Variants in WDFY4 observed in about 807,000 individuals in gnomAD.
WDFY4 encodes WD repeat- and FYVE domain-containing protein 4.
Under a neutral mutation model 351.9 loss-of-function variants are expected in WDFY4, and 169 were observed. That is an observed-to-expected ratio of 0.48 (90% CI 0.42 to 0.55). WDFY4 has a LOEUF of 0.55. Ranked by LOEUF, WDFY4 falls within the 20% of genes least tolerant of loss-of-function variation. The pLI, the probability that WDFY4 is intolerant of heterozygous loss-of-function variation, is 0.00. For missense variants in WDFY4, 3,803 were observed against 3,935.6 expected (o/e 0.97, Z 0.90); for synonymous variants, 1,622 against 1,574.6 (o/e 1.03, Z -0.71).
intron 47 of WDFY4, among the ~76,000 whole-genome samples, chr10:48,902,714 A>G (rs80322231): frequency 0.016 from 2,476 of 152,166 alleles, 70 homozygotes; most frequent in African/African-American, 0.055. Context: ...AAAGCATATT[A>G]GATAATTATA....
intron 47 of WDFY4, among the ~76,000 whole-genome samples, chr10:48,935,963 C>G (rs1589945355): frequency 6.7e-6 from 1 of 148,872 alleles, no homozygotes; most frequent in Non-Finnish European, 1.5e-5. Context: ...ATGAGGAAAA[C>G]AAATTAAGTA....
chr10:48,753,069 C>T (rs2199845), intron 12 of WDFY4, among the ~76,000 whole-genome samples: 34,627 of 152,038 alleles, frequency 0.23, 4,060 homozygotes, highest in African/African-American at 0.29. Flanking sequence ...TTCTAATGGG[C>T]ATGGAGTGTT....
In WDFY4 at chr10:48,735,966, G is replaced by A; in HGVS notation, c.1774G>A (p.Glu592Lys). 6.4e-7 allele frequency: 1 copy of A among 1,551,840 alleles called. No homozygotes were observed. The highest frequency in any genetic ancestry group is 8.7e-7 in the Non-Finnish European group (1 of 1,147,040). The change falls in exon 11 of 62, where the codon GAG becomes AAG. Residue 592 changes from glutamate (E) to lysine (K), a missense_variant. Transcript: ENST00000325239. ...CYREASLSIL[E>K]QLSAINAEEY... ...CCGGGAGGCCTCGCTCAGCATCTTG[G>A]AGCAGCTCTCAGCCATCAACGCCGA...
chr10:48,829,943 A>G (rs373412545), intron 37 of WDFY4, among the ~76,000 whole-genome samples: 38 of 152,188 alleles, frequency 2.5e-4, no homozygotes, highest in African/African-American at 8.7e-4. Flanking sequence ...TTTGTTGGAC[A>G]TGGTTTTGAT....
chr10:48,829,495 C>T (rs2068115599), intron 37 of WDFY4, among the ~76,000 whole-genome samples: 1 of 152,208 alleles, frequency 6.6e-6, no homozygotes, highest in African/African-American at 2.4e-5. Context: ...AGCTCTGCCA[C>T]TCCTTCTGCC....
intron 60 of WDFY4, chr10:48,978,661 A>C: frequency 1.6e-5 from 6 of 380,594 alleles, no homozygotes; most frequent in East Asian, 9.2e-5. Flanking sequence ...CCCCTCCATA[A>C]TGAACACAGG....
chr10:48,800,910 T>C (rs1267139228), intron 24 of WDFY4, among the ~76,000 whole-genome samples: 2 of 151,982 alleles, frequency 1.3e-5, no homozygotes, highest in African/African-American at 4.8e-5. Flanking sequence ...TTTTTTTATA[T>C]TTAGTAGAGA....
At chr10:48,958,347 A>T (rs1841703973) in intron 52 of WDFY4, among the ~76,000 whole-genome samples, 1 of 152,184 alleles carries the variant, frequency 6.6e-6, no homozygotes. Flanking sequence ...GGATCCCCCA[A>T]AGCGTGAGGA....
chr10:48,916,212 G>T (rs1032136809), intron 47 of WDFY4, among the ~76,000 whole-genome samples: 3 of 152,152 alleles, frequency 2.0e-5, no homozygotes, highest in Non-Finnish European at 2.9e-5. Flanking sequence ...GTTTCTCTTG[G>T]CTTGGACTCA....
In WDFY4 at chr10:48,873,638, A is replaced by G. The variant is rs1236125568; in HGVS notation, c.6889A>G (p.Met2297Val). The change falls in exon 41 of 62, where the codon ATG becomes GTG. Residue 2297 changes from methionine to valine, a missense_variant. Transcript: ENST00000325239. Reference sequence around the variant, plus strand: ...CGACTGGAGAGAAGGACCAGCTCGAATGAGGAAACGCATCAAACGCTTGTC... The same window carrying G: ...CGACTGGAGAGAAGGACCAGCTCGAGTGAGGAAACGCATCAAACGCTTGTC... The part of the protein sequence containing the change: ...ELDWREGPAR[M>V]RKRIKRLSPL... The G allele has an allele frequency of 1.9e-6, 3 of 1,551,778 alleles. No individual in the cohort carries two copies. Among genetic ancestry groups the G allele is most frequent in the Non-Finnish European group, 2.6e-6 (3 of 1,147,036 alleles).
chr10:48,891,473 G>A (rs1366331538), intron 44 of WDFY4, among the ~76,000 whole-genome samples: 1 of 152,236 alleles, frequency 6.6e-6, no homozygotes, highest in Admixed American at 6.5e-5. Flanking sequence ...CAGTTGTCAA[G>A]TGTATGTTTT....
At chr10:48,899,349 T>A (rs750427105) in intron 45 of WDFY4, among the ~76,000 whole-genome samples, 26 of 152,188 alleles carry the variant, frequency 1.7e-4, no homozygotes, top group Non-Finnish European at 2.5e-4. Context: ...GTATGCAACA[T>A]CCTTGCAGAT....
At chr10:48,719,616 G>A (rs1246654878) in intron 2 of WDFY4, among the ~76,000 whole-genome samples, 1 of 152,230 alleles carries the variant, frequency 6.6e-6, no homozygotes, top group African/African-American at 2.4e-5. Flanking sequence ...AATGGTAAAT[G>A]AGGAGAAACA....
chr10:48,887,073 C>T (rs2070486068), intron 43 of WDFY4, among the ~76,000 whole-genome samples: 1 of 152,236 alleles, frequency 6.6e-6, no homozygotes, highest in African/African-American at 2.4e-5. Context: ...AAGCTATTAA[C>T]CCAGCTCTCA....
chr10:48,821,935 G>C (rs566644673), intron 34 of WDFY4, among the ~76,000 whole-genome samples: 1 of 152,328 alleles, frequency 6.6e-6, no homozygotes, highest in Non-Finnish European at 1.5e-5. Flanking sequence ...GAACTCACAG[G>C]GTTGTGCTAG....
At chr10:48,974,518 A>AAAAAAAAAAAAAAACAAC (rs1287019683) in intron 57 of WDFY4, among the ~76,000 whole-genome samples, 2 of 27,974 alleles carry the variant, frequency 7.1e-5, no homozygotes, top group Admixed American at 5.5e-4. Flanking sequence ...AAAAAAAAAA[A>AAAAAAAAAAAAAAACAAC]AAAAAAAAAA....
intron 39 of WDFY4, among the ~76,000 whole-genome samples, chr10:48,866,461 T>C (rs1446336898): frequency 6.6e-6 from 1 of 152,244 alleles, no homozygotes; most frequent in Non-Finnish European, 1.5e-5. Flanking sequence ...ATTATGTCTA[T>C]CCTTTTAAAT....
intron 28 of WDFY4, among the ~76,000 whole-genome samples, chr10:48,808,859 C>T (rs2067345026): frequency 6.6e-6 from 1 of 152,178 alleles, no homozygotes; most frequent in Admixed American, 6.5e-5. Context: ...TAGCCCTGTC[C>T]CCAGGGACCC....
In WDFY4 at chr10:48,890,598, T is replaced by C. The variant is rs368592416; in HGVS notation, c.7187T>C (p.Leu2396Pro). Residue 2396 changes from leucine (L) to proline (P), a missense_variant, in exon 44 of 62, where the codon CTG becomes CCG. Physicochemically the swap from Leu to Pro is moderately conservative, Grantham distance 98 (BLOSUM62 -3). Transcript: ENST00000325239. The part of the protein sequence containing the change: ...DKEKVTQKFS[L>P]VIVQGHLVSE... ...TTCCAGGTGACGCAGAAGTTCTCCC[T>C]GGTGATTGTGCAGGGCCACCTGGTG... 207 of 1,551,744 alleles carry C rather than the reference T, an allele frequency of 1.3e-4. No homozygotes were observed. Among genetic ancestry groups the C allele is most frequent in the Non-Finnish European group, 1.7e-4 (190 of 1,147,000 alleles).
Sources: allele counts gnomAD v4.1 joint callset (sites outside exome capture counted in the v4.1 genomes callset), GRCh38; gene constraint gnomAD v4.1.1; transcripts MANE v1.5; gene names NCBI Gene and HGNC (gene_info 2026-07-23, HGNC 2026-07-21).